ADAMTS18: variants seen among roughly 807,000 people sequenced by gnomAD.
ADAMTS18 encodes the protein ADAM metallopeptidase with thrombospondin type 1 motif 18.
In ADAMTS18, 157 loss-of-function variants were observed where a neutral mutation model predicts 165.9. The observed-to-expected ratio is 0.95, with a 90% CI of 0.83 to 1.08. ADAMTS18 has a LOEUF of 1.08. ADAMTS18 is among the 50% of genes least tolerant of loss of function. The probability of loss-of-function intolerance (pLI) is 0.00; values close to 1 mark genes in which losing one functional copy is unlikely to be tolerated. For synonymous variants in ADAMTS18, 782 were observed against 578.2 expected, an observed-to-expected ratio of 1.35 and a Z score of -5.06; for missense variants, 2,040 against 1,534.0, an observed-to-expected ratio of 1.33 and a Z score of -5.51.
Position 77,409,691 on chromosome 16 carries a change from G to T in ADAMTS18, c.495+21604C>A, listed in dbSNP as rs561461849. Among the ~76,000 whole-genome samples the T allele has an allele frequency of 2.6e-5, 4 of 152,194 alleles. No homozygotes were observed. The South Asian group carries it at 8.3e-4, about 32-fold the overall frequency. ...CTGACGGGTCTGCTTCATCAAACAA[G>T]CCTTGTCTTGAATCTCAGCTCAGCT... On this transcript the variant is annotated intron_variant, in intron 3 of 22. Transcript: ENST00000282849.
chr16:77,385,309 G>C (rs1471962329), intron 3 of ADAMTS18, among the ~76,000 whole-genome samples: 2 of 152,144 alleles, frequency 1.3e-5, no homozygotes, highest in Non-Finnish European at 2.9e-5. Context: ...TGGTTTCTAA[G>C]TTTGGATAGT....
At chr16:77,402,145 G>A (rs144323827) in intron 3 of ADAMTS18, among the ~76,000 whole-genome samples, 2,323 of 152,170 alleles carry the variant, frequency 0.015, 19 homozygotes, top group Non-Finnish European at 0.024. Flanking sequence ...GTTTTTCTAC[G>A]GAACGCTGAC....
At chr16:77,319,535 AG>A (rs2055949689) in intron 16 of ADAMTS18, among the ~76,000 whole-genome samples, 1 of 152,106 alleles carries the variant, frequency 6.6e-6, no homozygotes. Flanking sequence ...TCCGCCTCCT[AG>A]GTTCAAGCAA....
chr16:77,410,689 C>T (rs1344367870), intron 3 of ADAMTS18, among the ~76,000 whole-genome samples: 5 of 152,104 alleles, frequency 3.3e-5, no homozygotes, highest in Non-Finnish European at 7.4e-5. Context: ...TTGTTGTAAT[C>T]CCTGCTGAGA....
chr16:77,336,175 T>C lies in ADAMTS18; in HGVS notation c.1711-271A>G, dbSNP rs900307511. Among the ~76,000 whole-genome samples, 9 of 152,248 alleles carry C rather than the reference T, an allele frequency of 5.9e-5. No homozygotes were observed. The East Asian group carries it at 7.7e-4, about 13-fold the overall frequency. On this transcript the variant is annotated intron_variant, in intron 11 of 22. Coordinates refer to ENST00000282849, the MANE Select transcript of ADAMTS18 (RefSeq NM_199355.4). ...GGCTTTGTGAACTGTGGAGGTGACA[T>C]GTTCAGATAAGATTCCACCTAACAG...
In ADAMTS18 at chr16:77,321,114, TA is replaced by T; in HGVS notation, c.2251del (p.Tyr751IlefsTer96). 2 of 1,614,202 alleles carry T rather than the reference TA, an allele frequency of 1.2e-6. No individual in the cohort carries two copies. Among genetic ancestry groups the T allele is most frequent in the Non-Finnish European group, 1.7e-6 (2 of 1,180,030 alleles). Reference sequence around the variant, plus strand: ...ATGCTGGTTGAGGTACAGGCCTTTATAAAACTTGCAAGTTGAATTATCACCT... The same window carrying T: ...ATGCTGGTTGAGGTACAGGCCTTTATAAACTTGCAAGTTGAATTATCACCT... ...CKGDNSTCKF[Y>X]KGLYLNQHKA... On this transcript the variant is annotated frameshift_variant, in exon 15 of 23. Transcript: ENST00000282849. LOFTEE classifies it high-confidence loss of function.
chr16:77,378,203 T>G (rs1053122722), intron 3 of ADAMTS18, among the ~76,000 whole-genome samples: 2 of 152,078 alleles, frequency 1.3e-5, no homozygotes, highest in African/African-American at 4.8e-5. Context: ...GCATGTGGTA[T>G]AGTCCCAGCT....
chr16:77,428,121 T>A (rs1409691849), intron 3 of ADAMTS18, among the ~76,000 whole-genome samples: 2 of 152,226 alleles, frequency 1.3e-5, no homozygotes, highest in Non-Finnish European at 2.9e-5. Flanking sequence ...GCCAGTGGTC[T>A]GGCCCCACTC....
chr16:77,398,549 T>C (rs2057288158), intron 3 of ADAMTS18, among the ~76,000 whole-genome samples: 1 of 152,146 alleles, frequency 6.6e-6, no homozygotes, highest in Non-Finnish European at 1.5e-5. Flanking sequence ...ATAACTTTGG[T>C]AACGACCATT....
At chr16:77,332,608 G>A (rs909650283) in intron 12 of ADAMTS18, among the ~76,000 whole-genome samples, 4 of 152,192 alleles carry the variant, frequency 2.6e-5, no homozygotes, top group South Asian at 2.1e-4. Flanking sequence ...TCTATCTATC[G>A]CCAAAATCTG....
At position 77,434,499 on chromosome 16, in the gene ADAMTS18, G is replaced by A. The variant is rs397515469; in HGVS notation, c.97C>T (p.Gln33Ter). 1 of 1,560,630 alleles carries A rather than the reference G, an allele frequency of 6.4e-7. No homozygotes were observed. The highest frequency in any genetic ancestry group is 8.6e-7 in the Non-Finnish European group (1 of 1,157,038). ...AGLGRVAKAL[Q>*]LCCLCCASVA... The stretch of plus-strand genomic sequence containing the variant: ...GACGCACAGCAGAGGCAGCACAGCT[G>A]GAGCGCCTGCAAGAGAAAAGGTGAC... Residue 33 changes from glutamine to a stop codon, truncating the protein, a stop_gained, in exon 2 of 23, where the codon CAG (glutamine) becomes TAG (stop). Coordinates refer to ENST00000282849, the MANE Select transcript of ADAMTS18 (RefSeq NM_199355.4). LOFTEE classifies it high-confidence loss of function.
Position 77,325,847 on chromosome 16 carries a change from G to C in ADAMTS18, c.2032+19C>G, listed in dbSNP as rs746279556. ...TATCCACATAGAGACTTATTTGAAT[G>C]TCATAGAGACCAAATTACCTTCCAC... is the stretch of plus-strand genomic sequence containing the variant. On this transcript the variant is annotated intron_variant, in intron 13 of 22. Transcript: ENST00000282849. 6.2e-7 allele frequency: 1 copy of C among 1,605,172 alleles called. No individual in the cohort carries two copies. The highest frequency in any genetic ancestry group is 1.1e-5 in the South Asian group (1 of 90,682).
chr16:77,404,369 CAG>C (rs912283496), intron 3 of ADAMTS18, among the ~76,000 whole-genome samples: 4 of 152,106 alleles, frequency 2.6e-5, no homozygotes, highest in African/African-American at 9.7e-5. Flanking sequence ...AGGGGGGAAA[CAG>C]ATTTTGAGTG....
At chr16:77,288,121 G>C (rs1016920096) in intron 22 of ADAMTS18, among the ~76,000 whole-genome samples, 1 of 152,024 alleles carries the variant, frequency 6.6e-6, no homozygotes, top group Non-Finnish European at 1.5e-5. Context: ...TTAGGTGCTG[G>C]GTGAGCCAAA....
At chr16:77,334,044 T>A (rs1273513529) in intron 12 of ADAMTS18, among the ~76,000 whole-genome samples, 1 of 137,724 alleles carries the variant, frequency 7.3e-6, no homozygotes, top group African/African-American at 2.7e-5. Flanking sequence ...ATATGCTATA[T>A]ATAATATACA....
chr16:77,425,903 AG>A (rs1360914190), intron 3 of ADAMTS18, among the ~76,000 whole-genome samples: 1 of 152,062 alleles, frequency 6.6e-6, no homozygotes, highest in Non-Finnish European at 1.5e-5. Context: ...AAAATTAGCC[AG>A]GCGTGGTGGT....
At position 77,358,494 on chromosome 16, in the gene ADAMTS18, G is replaced by A. The variant is rs1284825431; in HGVS notation, c.1322+824C>T. ...GGAGAATCACTTGAACCCGGGAGGC[G>A]GAGGTTGCAGCGAGCCGAGATCGTG... On this transcript the variant is annotated intron_variant, in intron 8 of 22. Transcript: ENST00000282849. Among the ~76,000 whole-genome samples, 5 of 152,098 alleles carry A rather than the reference G, an allele frequency of 3.3e-5. No individual in the cohort carries two copies. The East Asian group carries it at 7.7e-4, about 24-fold the overall frequency.
chr16:77,314,099 TC>T lies in ADAMTS18; in HGVS notation c.2532+5749del, dbSNP rs560141826. On this transcript the variant is annotated intron_variant, in intron 16 of 22. Transcript: ENST00000282849. ...GGAAGAACATTTCCTAATAACAGCTTCTCTTGAGTAGGTGGTATGAGATCTT... is the reference window on the plus strand; with the variant it reads ...GGAAGAACATTTCCTAATAACAGCTTTCTTGAGTAGGTGGTATGAGATCTT... Among the ~76,000 whole-genome samples the T allele has an allele frequency of 1.2e-4, 18 of 152,174 alleles. No individual in the cohort carries two copies. The South Asian group carries it at 3.1e-3, about 26-fold the overall frequency.
intron 3 of ADAMTS18, among the ~76,000 whole-genome samples, chr16:77,376,133 T>A (rs188452015): frequency 6.6e-5 from 10 of 151,900 alleles, no homozygotes; most frequent in Non-Finnish European, 1.0e-4. Context: ...GAACTCCCGA[T>A]CTCAGGTGAT....
Sources: allele counts gnomAD v4.1 joint callset (sites outside exome capture counted in the v4.1 genomes callset), GRCh38; gene constraint gnomAD v4.1.1; transcripts MANE v1.5; gene names NCBI Gene and HGNC (gene_info 2026-07-23, HGNC 2026-07-21).